NEDD4: variants seen among roughly 807,000 people sequenced by gnomAD.
The protein encoded by NEDD4 is E3 ubiquitin-protein ligase NEDD4.
NEDD4 carries 99 observed loss-of-function variants against 144.9 expected under a neutral mutation model. The observed-to-expected ratio is 0.68, with a 90% CI of 0.58 to 0.81. NEDD4 has a LOEUF of 0.81. NEDD4 is among the 30% of genes least tolerant of loss of function. The pLI, the probability that NEDD4 is intolerant of heterozygous loss-of-function variation, is 0.00. For synonymous variants in NEDD4, 318 were observed against 350.6 expected (o/e 0.91, Z 1.04); for missense variants, 985 against 1,065.9 (o/e 0.92, Z 1.06).
At chr15:55,850,494 A>G in intron 14 of NEDD4, 48 bp downstream of exon 14, 1 of 1,554,228 alleles carries the variant, frequency 6.4e-7, no homozygotes, top group Non-Finnish European at 8.9e-7. Flanking sequence ...TATACATAAG[A>G]GATGATTATT....
Position 55,842,020 on chromosome 15 carries a change from A to C in NEDD4, c.1752T>G (p.Asp584Glu). 6.2e-7 allele frequency: 1 copy of C among 1,614,166 alleles called. No homozygotes were observed. Among genetic ancestry groups the C allele is most frequent in the Non-Finnish European group, 8.5e-7 (1 of 1,180,026 alleles). ...WIEFDGEKGL[D>E]YGGVAREWFF... Reference sequence around the variant, plus strand: ...ACCATTCTCTGGCAACTCCTCCATAATCCAATCCCTTTTCACCATCAAACT... The same window carrying C: ...ACCATTCTCTGGCAACTCCTCCATACTCCAATCCCTTTTCACCATCAAACT... Residue 584 changes from aspartate to glutamate, a missense_variant, in exon 19 of 29, where the codon GAT becomes GAG. Asp to Glu is a conservative substitution (Grantham distance 45). Transcript: ENST00000435532.
intron 5 of NEDD4, among the ~76,000 whole-genome samples, chr15:55,906,283 T>C (rs1438066709): frequency 2.6e-5 from 4 of 152,148 alleles, no homozygotes; most frequent in African/African-American, 4.8e-5. Flanking sequence ...CATTACTGGG[T>C]ATATACCCAA....
intron 8 of NEDD4, among the ~76,000 whole-genome samples, chr15:55,868,911 A>G (rs778903120): frequency 2.0e-5 from 3 of 152,182 alleles, no homozygotes; most frequent in Non-Finnish European, 4.4e-5. Context: ...GAGGTTCGGA[A>G]AAGTTCAATG....
chr15:55,883,014 G>A (rs1349660829), intron 5 of NEDD4, among the ~76,000 whole-genome samples: 3 of 152,208 alleles, frequency 2.0e-5, no homozygotes, highest in African/African-American at 7.2e-5. Flanking sequence ...GTAGAAGGAA[G>A]AGTAAAGAGG....
intron 12 of NEDD4, among the ~76,000 whole-genome samples, chr15:55,854,719 G>T (rs948434523): frequency 6.6e-5 from 10 of 151,920 alleles, no homozygotes; most frequent in African/African-American, 1.9e-4. Flanking sequence ...CTCTTTAATT[G>T]TATGATCAAA....
chr15:55,884,407 A>T (rs1479954339), intron 5 of NEDD4, among the ~76,000 whole-genome samples: 1 of 152,170 alleles, frequency 6.6e-6, no homozygotes, highest in Non-Finnish European at 1.5e-5. Context: ...ATCCACAAGC[A>T]TCTAGACCAT....
chr15:55,916,845 C>T (rs766775926), intron 5 of NEDD4: 1 of 1,579,580 alleles, frequency 6.3e-7, no homozygotes, highest in Non-Finnish European at 8.6e-7. Flanking sequence ...TTCTCATTTC[C>T]AAACATGTTA....
intron 15 of NEDD4, 33 bp downstream of exon 15, chr15:55,848,772 CA>C: frequency 6.4e-7 from 1 of 1,574,792 alleles, no homozygotes; most frequent in Non-Finnish European, 8.7e-7. Flanking sequence ...TTGAGATAGC[CA>C]AGTTAGATGG....
intron 11 of NEDD4, among the ~76,000 whole-genome samples, chr15:55,858,359 T>C (rs2034276599): frequency 6.6e-6 from 1 of 152,118 alleles, no homozygotes; most frequent in Non-Finnish European, 1.5e-5. Context: ...CAAGCTGAAG[T>C]GCAATGGTGC....
At chr15:55,833,526 T>C (rs2033057252) in intron 26 of NEDD4, among the ~76,000 whole-genome samples, 1 of 151,834 alleles carries the variant, frequency 6.6e-6, no homozygotes, top group East Asian at 1.9e-4. Context: ...CTAGGCATGG[T>C]GGTGCATGCT....
Position 55,838,099 on chromosome 15 carries a change from A to T in NEDD4, c.2201+8T>A. 1 of 1,456,752 alleles carries T rather than the reference A, an allele frequency of 6.9e-7. No individual in the cohort carries two copies. The highest frequency in any genetic ancestry group is 9.4e-7 in the Non-Finnish European group (1 of 1,060,208). 90.2% of individuals were successfully genotyped at this position (1,456,752 alleles called of 1,614,324 possible). The stretch of plus-strand genomic sequence containing the variant: ...ATCCAATAAAATACATACTAATAAA[A>T]TACTTACTAAATATATTCCTTTTTG... On this transcript the variant is annotated splice_region_variant and intron_variant, in intron 23 of 28. Transcript: ENST00000435532.
chr15:55,926,079 TAC>T (rs1439625485), intron 4 of NEDD4, among the ~76,000 whole-genome samples: 1 of 151,912 alleles, frequency 6.6e-6, no homozygotes, highest in African/African-American at 2.4e-5. Flanking sequence ...TATGTAAAAA[TAC>T]ATATACATAC....
In NEDD4 at chr15:55,951,510, C is replaced by A; in HGVS notation, c.198+1G>T. ...AACTTTTGAATATTGCTAAGTCTAA[C>A]CTTTTTAATGGTTTTTGTTTGCACA... On this transcript the variant is annotated splice_donor_variant, in intron 3 of 28. Transcript: ENST00000435532. LOFTEE classifies it high-confidence loss of function. 2 of 1,522,750 alleles carry A rather than the reference C, an allele frequency of 1.3e-6. No individual in the cohort carries two copies. The highest frequency in any genetic ancestry group is 1.8e-6 in the Non-Finnish European group (2 of 1,137,002). The allele number at this position is 1,522,750 out of a possible 1,614,324, so 94.3% of individuals were successfully genotyped here.
At position 55,860,593 on chromosome 15, in the gene NEDD4, G is replaced by A; in HGVS notation, c.793-19C>T. Reference sequence around the variant, plus strand: ...CCCAGTTCTAAAATGAACAGAATAAGCTTGAGCCACACATACTTTATTGCT... The same window carrying A: ...CCCAGTTCTAAAATGAACAGAATAAACTTGAGCCACACATACTTTATTGCT... On this transcript the variant is annotated intron_variant, in intron 10 of 28. Transcript: ENST00000435532. The A allele has an allele frequency of 6.2e-7, 1 of 1,613,900 alleles. No homozygotes were observed. Among genetic ancestry groups the A allele is most frequent in the South Asian group, 1.1e-5 (1 of 91,054 alleles).
At chr15:55,914,043 T>C (rs781551517) in intron 5 of NEDD4, among the ~76,000 whole-genome samples, 1 of 151,908 alleles carries the variant, frequency 6.6e-6, no homozygotes, top group Non-Finnish European at 1.5e-5. Context: ...AAATTATAGA[T>C]CAGAATTTGA....
intron 5 of NEDD4, chr15:55,915,974 A>G (rs1159310751): frequency 6.2e-7 from 1 of 1,613,874 alleles, no homozygotes; most frequent in Non-Finnish European, 8.5e-7. Context: ...TGCTCAGAAG[A>G]GTACACAGAC....
chr15:55,887,573 C>T (rs1044725326), intron 5 of NEDD4, among the ~76,000 whole-genome samples: 1 of 152,080 alleles, frequency 6.6e-6, no homozygotes, highest in Non-Finnish European at 1.5e-5. Flanking sequence ...GAACTAATAC[C>T]AATCCTACTC....
intron 2 of NEDD4, among the ~76,000 whole-genome samples, chr15:55,961,325 GA>G (rs1566970036): frequency 6.6e-6 from 1 of 151,388 alleles, no homozygotes; most frequent in Non-Finnish European, 1.5e-5. Context: ...GAAAAAATTA[GA>G]AAAAAAGTAG....
chr15:55,961,263 G>A (rs996129668), intron 2 of NEDD4, among the ~76,000 whole-genome samples: 4 of 152,002 alleles, frequency 2.6e-5, no homozygotes, highest in Non-Finnish European at 5.9e-5. Flanking sequence ...ATCAGGGCAG[G>A]GCTAGAGTTT....
Sources: gnomAD v4.1 joint callset for allele counts (sites outside exome capture counted in the v4.1 genomes callset) on GRCh38, gnomAD v4.1.1 for gene constraint, MANE v1.5 for transcripts, NCBI Gene and HGNC (gene_info 2026-07-23, HGNC 2026-07-21) for gene names.